The following GRIP1 variants were observed in gnomAD, a reference collection of about 807,000 sequenced individuals.
GRIP1 encodes glutamate receptor-interacting protein 1.
Under a neutral mutation model 129.9 loss-of-function variants are expected in GRIP1, and 45 were observed. The observed-to-expected ratio is 0.35, with a 90% confidence interval of 0.27 to 0.44. GRIP1 has a LOEUF of 0.44. Ranked by LOEUF, GRIP1 falls within the 20% of genes least tolerant of loss-of-function variation. GRIP1 has a pLI of 1.00. For missense variants in GRIP1, 1,196 were observed against 1,396.8 expected, an observed-to-expected ratio of 0.86 and a Z score of 2.29; for synonymous variants, 530 against 520.8, an observed-to-expected ratio of 1.02 and a Z score of -0.24.
intron 1 of GRIP1, among the ~76,000 whole-genome samples, chr12:66,657,665 C>G (rs1309467049): frequency 6.6e-6 from 1 of 152,176 alleles, no homozygotes; most frequent in Non-Finnish European, 1.5e-5. Flanking sequence ...CCACACCATC[C>G]CTTATCCCAT....
chr12:67,021,104 A>T (rs981584420), intron 1 of GRIP1, among the ~76,000 whole-genome samples: 2 of 152,184 alleles, frequency 1.3e-5, no homozygotes, highest in African/African-American at 4.8e-5. Context: ...TCTCAAAAAA[A>T]TATGAAATAA....
chr12:66,380,459 AT>A (rs1419467335), intron 19 of GRIP1, among the ~76,000 whole-genome samples: 2 of 152,144 alleles, frequency 1.3e-5, no homozygotes, highest in Non-Finnish European at 2.9e-5. Context: ...GTTTATTTGA[AT>A]TGCAAAATGC....
intron 7 of GRIP1, among the ~76,000 whole-genome samples, chr12:66,485,087 T>G (rs1244192221): frequency 2.0e-5 from 3 of 152,198 alleles, no homozygotes; most frequent in African/African-American, 7.2e-5. Flanking sequence ...TATGCTCAGC[T>G]TCAGCAGATA....
chr12:66,995,037 C>T (rs2042446916), intron 1 of GRIP1, among the ~76,000 whole-genome samples: 1 of 151,808 alleles, frequency 6.6e-6, no homozygotes, highest in Admixed American at 6.6e-5. Flanking sequence ...GAAATAAACC[C>T]TTACGTTTAT....
intron 2 of GRIP1, chr12:66,569,222 T>C: frequency 5.3e-6 from 1 of 189,468 alleles, no homozygotes; most frequent in Non-Finnish European, 1.1e-5. Flanking sequence ...CTCACGTCTG[T>C]AATCCCAGCA....
At chr12:66,469,878 G>A (rs1427939757) in intron 7 of GRIP1, among the ~76,000 whole-genome samples, 1 of 152,126 alleles carries the variant, frequency 6.6e-6, no homozygotes, top group Non-Finnish European at 1.5e-5. Flanking sequence ...AAACTGAAGA[G>A]TGAGACCACC....
intron 7 of GRIP1, among the ~76,000 whole-genome samples, chr12:66,470,619 C>T (rs1422859679): frequency 2.0e-5 from 3 of 152,122 alleles, no homozygotes; most frequent in Non-Finnish European, 4.4e-5. Context: ...TGCTCATCTG[C>T]AGGGGACTCT....
chr12:66,874,397 GA>G (rs1002265566), intron 1 of GRIP1, among the ~76,000 whole-genome samples: 9 of 151,816 alleles, frequency 5.9e-5, no homozygotes, highest in African/African-American at 2.2e-4. Flanking sequence ...GCAGGTTTTA[GA>G]TTTTTTTTTT....
At chr12:66,901,259 C>A (rs188509007) in intron 1 of GRIP1, among the ~76,000 whole-genome samples, 3 of 152,324 alleles carry the variant, frequency 2.0e-5, no homozygotes, top group South Asian at 4.1e-4. Flanking sequence ...CAGTAAACAT[C>A]TGCAATTTCA....
chr12:67,043,596 C>A (rs2043210359), intron 1 of GRIP1, among the ~76,000 whole-genome samples: 1 of 152,132 alleles, frequency 6.6e-6, no homozygotes, highest in African/African-American at 2.4e-5. Flanking sequence ...CATCACCCAG[C>A]TTTTCTTCTA....
Position 66,436,411 on chromosome 12 carries a change from A to C in GRIP1, c.1688-3783T>G, listed in dbSNP as rs371017708. 1.9e-4 allele frequency among the ~76,000 whole-genome samples: 29 copies of C among 152,314 alleles called. No homozygotes were observed. The East Asian group carries it at 4.2e-3, about 22-fold the overall frequency. On this transcript the variant is annotated intron_variant, in intron 13 of 24. Coordinates refer to ENST00000359742, the MANE Select transcript of GRIP1 (RefSeq NM_001366722.1). ...ACAAAGATATATATTTTTTTCCAACAAAATAACTTCAGACTTAAAGTAGAA... is the reference window on the plus strand; with the variant it reads ...ACAAAGATATATATTTTTTTCCAACCAAATAACTTCAGACTTAAAGTAGAA...
intron 2 of GRIP1, among the ~76,000 whole-genome samples, chr12:66,571,539 T>C (rs2062960223): frequency 1.3e-5 from 2 of 152,180 alleles, no homozygotes; most frequent in African/African-American, 2.4e-5. Flanking sequence ...CTGAATATAA[T>C]ACCCACTCTT....
chr12:66,556,362 C>A (rs1424922554), intron 2 of GRIP1, among the ~76,000 whole-genome samples: 4 of 152,010 alleles, frequency 2.6e-5, no homozygotes, highest in African/African-American at 9.7e-5. Context: ...GAAATAAAGA[C>A]CTTCCTAGAC....
intron 1 of GRIP1, among the ~76,000 whole-genome samples, chr12:66,984,352 A>G (rs2042280339): frequency 6.6e-6 from 1 of 152,178 alleles, no homozygotes; most frequent in Admixed American, 6.5e-5. Flanking sequence ...AATTTATCAT[A>G]TGTAAGAACA....
At chr12:66,519,873 C>G (rs536823684) in intron 5 of GRIP1, among the ~76,000 whole-genome samples, 1 of 152,314 alleles carries the variant, frequency 6.6e-6, no homozygotes, top group East Asian at 1.9e-4. Context: ...AAGTGTAAAG[C>G]AACTTCATGG....
chr12:66,421,374 C>T (rs534015793), intron 14 of GRIP1, among the ~76,000 whole-genome samples: 85 of 152,180 alleles, frequency 5.6e-4, no homozygotes, highest in Middle Eastern at 3.4e-3. Flanking sequence ...TGAAACCCCA[C>T]CTCTACGAAA....
chr12:66,823,291 T>C (rs930607169), intron 1 of GRIP1, among the ~76,000 whole-genome samples: 1 of 152,220 alleles, frequency 6.6e-6, no homozygotes, highest in Non-Finnish European at 1.5e-5. Flanking sequence ...AGAACTGTTT[T>C]TTTATAATTA....
At chr12:66,794,982 T>G (rs1034248786) in intron 1 of GRIP1, among the ~76,000 whole-genome samples, 1 of 152,160 alleles carries the variant, frequency 6.6e-6, no homozygotes, top group African/African-American at 2.4e-5. Flanking sequence ...TACAACCAAC[T>G]GCTGAGCACC....
chr12:67,008,535 C>T (rs141960739), intron 1 of GRIP1, among the ~76,000 whole-genome samples: 1 of 152,236 alleles, frequency 6.6e-6, no homozygotes, highest in Non-Finnish European at 1.5e-5. Flanking sequence ...AGCAGTTGGG[C>T]ACAGTGGTTA....
Sources: allele counts gnomAD v4.1 joint callset (sites outside exome capture counted in the v4.1 genomes callset), GRCh38; gene constraint gnomAD v4.1.1; transcripts MANE v1.5; gene names NCBI Gene and HGNC (gene_info 2026-07-23, HGNC 2026-07-21).